Variants in NELL2 observed in about 807,000 individuals in gnomAD.
NELL2 encodes the protein protein kinase C-binding protein NELL2.
NELL2 carries 41 observed loss-of-function variants against 109.6 expected under a neutral mutation model. That is an observed-to-expected ratio of 0.37 (90% CI 0.29 to 0.49). The LOEUF is 0.49. Ranked by LOEUF, NELL2 falls within the 20% of genes least tolerant of loss-of-function variation. NELL2 has a pLI of 0.98. For missense variants in NELL2, 900 were observed against 1,008.3 expected (o/e 0.89, Z 1.45); for synonymous variants, 355 against 344.7 (o/e 1.03, Z -0.33).
chr12:44,644,607 T>TATATATATACATAC (rs1491275238), intron 13 of NELL2, among the ~76,000 whole-genome samples: 4 of 79,264 alleles, frequency 5.0e-5, no homozygotes, highest in Non-Finnish European at 9.8e-5. Context: ...TATATATGTA[T>TATATATATACATAC]GTATATATAT....
At chr12:44,523,250 C>T in intron 17 of NELL2, 41 bp downstream of exon 17, 1 of 1,603,260 alleles carries the variant, frequency 6.2e-7, no homozygotes, top group Non-Finnish European at 8.5e-7. Context: ...ATGCAAATTA[C>T]AACTGAATAA....
intron 2 of NELL2, among the ~76,000 whole-genome samples, chr12:44,862,103 T>C (rs559815091): frequency 1.2e-4 from 18 of 152,308 alleles, no homozygotes; most frequent in Non-Finnish European, 2.6e-4. Context: ...CTCAAGAAAG[T>C]ACATATAAAT....
At chr12:44,915,243 TA>T (rs1945820253), upstream of NELL2, among the ~76,000 whole-genome samples, 1 of 152,208 alleles carries the variant, frequency 6.6e-6, no homozygotes, top group Non-Finnish European at 1.5e-5. Flanking sequence ...CACATAGTGA[TA>T]AAAATAATGT....
At chr12:44,675,679 G>A (rs1446161254) in intron 12 of NELL2, among the ~76,000 whole-genome samples, 1 of 152,086 alleles carries the variant, frequency 6.6e-6, no homozygotes, top group African/African-American at 2.4e-5. Context: ...AAATTAAAGA[G>A]GAGGCAGGTA....
intron 2 of NELL2, among the ~76,000 whole-genome samples, chr12:44,854,271 G>A (rs1232518276): frequency 6.6e-6 from 1 of 152,136 alleles, no homozygotes; most frequent in East Asian, 1.9e-4. Context: ...CCAGTGTATG[G>A]AAGAAATAAA....
chr12:44,861,261 T>G (rs1275429158), intron 2 of NELL2, among the ~76,000 whole-genome samples: 1 of 152,160 alleles, frequency 6.6e-6, no homozygotes, highest in Non-Finnish European at 1.5e-5. Context: ...TGACTTTGTT[T>G]CAGACCCCAA....
chr12:44,617,741 A>G (rs946261196), intron 13 of NELL2, among the ~76,000 whole-genome samples: 1 of 151,312 alleles, frequency 6.6e-6, no homozygotes, highest in Non-Finnish European at 1.5e-5. Flanking sequence ...GAATAAATTT[A>G]AAGGATGAAA....
chr12:44,826,510 A>G (rs1399591253), intron 2 of NELL2, among the ~76,000 whole-genome samples: 1 of 152,248 alleles, frequency 6.6e-6, no homozygotes, highest in African/African-American at 2.4e-5. Flanking sequence ...ACAATTTTAA[A>G]AGCCATTAAA....
chr12:44,641,224 C>T (rs966292093), intron 13 of NELL2, among the ~76,000 whole-genome samples: 9 of 152,148 alleles, frequency 5.9e-5, no homozygotes, highest in African/African-American at 1.2e-4. Flanking sequence ...ATCCAAAGCA[C>T]GAACCAGGAA....
chr12:44,853,567 T>C (rs1235469130), intron 2 of NELL2, among the ~76,000 whole-genome samples: 3 of 152,170 alleles, frequency 2.0e-5, no homozygotes, highest in Admixed American at 6.6e-5. Context: ...AGAGTCATAG[T>C]GCTTTCCTGA....
rs1945313493 is a variant in NELL2 at position 44,876,119 on chromosome 12, G to A, written c.-250C>T. ...CAGGGCCGAGGCGGCAGCGCGGCCC[G>A]GAGGGGGCCCGGAGGGAGGGGTCGG... On this transcript the variant is annotated 5_prime_UTR_variant, in exon 1 of 20. Transcript: ENST00000429094. The A allele has an allele frequency of 3.8e-6, 5 of 1,317,246 alleles. No homozygotes were observed. Among genetic ancestry groups the A allele is most frequent in the African/African-American group, 1.5e-5 (1 of 67,262 alleles). 81.6% of individuals were successfully genotyped at this position (1,317,246 alleles called of 1,614,324 possible).
chr12:44,655,581 C>T (rs757304512), intron 13 of NELL2, among the ~76,000 whole-genome samples: 8 of 152,210 alleles, frequency 5.3e-5, no homozygotes, highest in Admixed American at 2.6e-4. Flanking sequence ...TGTGGAGACA[C>T]GTCTCACTTC....
At chr12:44,821,724 AT>A (rs979387516) in intron 2 of NELL2, among the ~76,000 whole-genome samples, 2,597 of 145,496 alleles carry the variant, frequency 0.018, 69 homozygotes, top group African/African-American at 0.059. Flanking sequence ...TTCAGAATTA[AT>A]TTTTTTTTTT....
chr12:44,588,581 G>A (rs193091396), intron 15 of NELL2, among the ~76,000 whole-genome samples: 14 of 152,308 alleles, frequency 9.2e-5, no homozygotes, highest in African/African-American at 2.9e-4. Context: ...GTATGCTTAT[G>A]TATGTTTCCT....
chr12:44,646,979 T>TA (rs1947118692), intron 13 of NELL2, among the ~76,000 whole-genome samples: 1 of 152,132 alleles, frequency 6.6e-6, no homozygotes, highest in Admixed American at 6.5e-5. Context: ...TAAGATTAAA[T>TA]AAAAAATGCA....
chr12:44,861,490 T>C (rs2136807522), intron 2 of NELL2, among the ~76,000 whole-genome samples: 1 of 152,194 alleles, frequency 6.6e-6, no homozygotes, highest in East Asian at 1.9e-4. Flanking sequence ...CAACATTAGA[T>C]TGGCCCCCAT....
In NELL2 at chr12:44,674,220, T is replaced by G. The variant is rs184441362; in HGVS notation, c.1319-8611A>C. Among the ~76,000 whole-genome samples the G allele has an allele frequency of 5.3e-5, 8 of 152,316 alleles. No homozygotes were observed. The East Asian group carries it at 1.3e-3, about 26-fold the overall frequency. Reference sequence around the variant, plus strand: ...GGTGATATAAATAATTTTCTGACTCTGCCCCCTCCTACCAACTTGAGAAGC... The same window carrying G: ...GGTGATATAAATAATTTTCTGACTCGGCCCCCTCCTACCAACTTGAGAAGC... On this transcript the variant is annotated intron_variant, in intron 12 of 19. Coordinates refer to ENST00000429094, the MANE Select transcript of NELL2 (RefSeq NM_001145108.2).
In NELL2 at chr12:44,711,413, G is replaced by T. The variant is rs368322511; in HGVS notation, c.1087-19C>A. The T allele has an allele frequency of 4.0e-5, 64 of 1,587,030 alleles. No homozygotes were observed. Among genetic ancestry groups the T allele is most frequent in the South Asian group, 8.9e-5 (8 of 90,354 alleles). The stretch of plus-strand genomic sequence containing the variant: ...TCTGGTCCTGTTAGACAACAGAAAA[G>T]AAGTGCTTCAAATTTTATCATTAGG... On this transcript the variant is annotated intron_variant, in intron 10 of 19. Transcript: ENST00000429094.
intron 9 of NELL2, among the ~76,000 whole-genome samples, chr12:44,728,500 A>C (rs117876302): frequency 0.028 from 4,276 of 152,252 alleles, 95 homozygotes; most frequent in Admixed American, 0.045. Context: ...GATAACATCA[A>C]GTGAACCAAC....
Sources: allele counts gnomAD v4.1 joint callset (sites outside exome capture counted in the v4.1 genomes callset), GRCh38; gene constraint gnomAD v4.1.1; transcripts MANE v1.5; gene names NCBI Gene and HGNC (gene_info 2026-07-23, HGNC 2026-07-21).